The following DCHS2 variants were observed in gnomAD, a reference collection of about 807,000 sequenced individuals.
DCHS2 encodes protocadherin-23.
A neutral mutation model predicts 182.4 loss-of-function variants in DCHS2; 142 were observed. That is an observed-to-expected ratio of 0.78 (90% confidence interval 0.68 to 0.89). DCHS2 has a LOEUF of 0.89. Among genes scored for constraint, DCHS2 ranks in the 40% least tolerant of loss-of-function variants. DCHS2 has a pLI of 0.00. For synonymous variants in DCHS2, 1,740 were observed against 1,663.3 expected (o/e 1.05, Z -1.12); for missense variants, 4,319 against 4,198.6 (o/e 1.03, Z -0.79).
At chr4:154,436,334 T>C (rs1275114532) in intron 1 of DCHS2, among the ~76,000 whole-genome samples, 2 of 152,228 alleles carry the variant, frequency 1.3e-5, no homozygotes, top group Non-Finnish European at 2.9e-5. Flanking sequence ...TTATTATCTA[T>C]ACTATATGTT....
At chr4:154,296,712 A>G (rs542800511) in intron 13 of DCHS2, among the ~76,000 whole-genome samples, 1 of 152,294 alleles carries the variant, frequency 6.6e-6, no homozygotes, top group South Asian at 2.1e-4. Flanking sequence ...GAAAATGTTA[A>G]AAGCAGTTTG....
At chr4:154,349,758 T>C (rs1198480801) in intron 3 of DCHS2, among the ~76,000 whole-genome samples, 2 of 152,212 alleles carry the variant, frequency 1.3e-5, no homozygotes, top group African/African-American at 4.8e-5. Context: ...CTGATTCACA[T>C]GATATGTATT....
intron 1 of DCHS2, among the ~76,000 whole-genome samples, chr4:154,429,356 T>A (rs78499165): frequency 0.018 from 2,667 of 152,284 alleles, 66 homozygotes; most frequent in African/African-American, 0.061. Flanking sequence ...TCAGTGCATG[T>A]GTTTTGATGG....
chr4:154,491,140 G>A lies in DCHS2; in HGVS notation c.216C>T (p.Ser72=). The part of the protein sequence containing the change: ...SSAQLFNLTL[S]VDEGLPPDTL... Reference sequence around the variant, plus strand: ...TGTCCGGGGGAAGCCCCTCATCTACGGAAAGGGTGAGGTTGAACAACTGGG... The same window carrying A: ...TGTCCGGGGGAAGCCCCTCATCTACAGAAAGGGTGAGGTTGAACAACTGGG... Residue 72 remains serine, a synonymous_variant, in exon 1 of 20, where the codon TCC becomes TCT. Transcript: ENST00000357232. 9 of 1,551,406 alleles carry A rather than the reference G, an allele frequency of 5.8e-6. No individual in the cohort carries two copies. The highest frequency in any genetic ancestry group is 7.8e-6 in the Non-Finnish European group (9 of 1,146,838).
At position 154,236,917 on chromosome 4, in the gene DCHS2, T is replaced by A. The variant is rs769744880; in HGVS notation, c.7735A>T (p.Thr2579Ser). 2 of 1,614,088 alleles carry A rather than the reference T, an allele frequency of 1.2e-6. No individual in the cohort carries two copies. Among genetic ancestry groups the A allele is most frequent in the South Asian group, 1.1e-5 (1 of 91,078 alleles). Residue 2579 changes from threonine to serine, a missense_variant, in exon 20 of 20, where the codon ACC becomes TCC. By Grantham distance (58) the Thr-to-Ser change is moderately conservative. Transcript: ENST00000357232. ...TATTCAACATATGTGTTTTCACGGGTCCAGTCATGGTCGATGTTTGAAAAT... is the reference window on the plus strand; with the variant it reads ...TATTCAACATATGTGTTTTCACGGGACCAGTCATGGTCGATGTTTGAAAAT... The part of the protein sequence containing the change: ...VTFSNIDHDW[T>S]RENTYVEYSI...
Position 154,239,293 on chromosome 4 carries a change from G to A in DCHS2, c.7369C>T (p.Pro2457Ser), listed in dbSNP as rs1370868285. The A allele has an allele frequency of 1.2e-6, 2 of 1,612,066 alleles. No individual in the cohort carries two copies. The highest frequency in any genetic ancestry group is 2.7e-5 in the African/African-American group (2 of 74,796). ...GAATACCCCACAGGTATTGATTCAG[G>A]AACTGTGACCTGAGGGAAAAAGAGA... ...FSQDFYQVTV[P>S]ESIPVGYSVL... Residue 2457 changes from proline (P) to serine (S), a missense_variant, in exon 19 of 20, where the codon CCT becomes TCT. By Grantham distance (74) the Pro-to-Ser change is moderately conservative. Transcript: ENST00000357232.
chr4:154,477,428 C>A (rs1735733786), intron 1 of DCHS2, among the ~76,000 whole-genome samples: 1 of 152,112 alleles, frequency 6.6e-6, no homozygotes, highest in Non-Finnish European at 1.5e-5. Flanking sequence ...AGCACAAAGG[C>A]CTGAGCTGAG....
chr4:154,490,872 C>A lies in DCHS2; in HGVS notation c.484G>T (p.Asp162Tyr). ...TCGAGGGGAAAGCGGGGCGAGTGGTCATTCACGTCGTTGACGCGAATCTCC... is the reference window on the plus strand; with the variant it reads ...TCGAGGGGAAAGCGGGGCGAGTGGTAATTCACGTCGTTGACGCGAATCTCC... ...QVEIRVNDVN[D>Y]HSPRFPLDSL... The change falls in exon 1 of 20, where the codon GAC becomes TAC. Residue 162 changes from aspartate (D) to tyrosine (Y), a missense_variant. Asp to Tyr is a radical substitution (Grantham distance 160). Coordinates refer to ENST00000357232, the MANE Select transcript of DCHS2 (RefSeq NM_001358235.2). 6.4e-7 allele frequency: 1 copy of A among 1,551,544 alleles called. No individual in the cohort carries two copies. Among genetic ancestry groups the A allele is most frequent in the African/African-American group, 1.4e-5 (1 of 73,174 alleles).
chr4:154,459,497 G>T (rs753370201), intron 1 of DCHS2, among the ~76,000 whole-genome samples: 1 of 151,924 alleles, frequency 6.6e-6, no homozygotes, highest in Admixed American at 6.6e-5. Context: ...CCCGACCACC[G>T]TCCCCACAAA....
chr4:154,325,395 T>C (rs1736241210), intron 7 of DCHS2, among the ~76,000 whole-genome samples: 1 of 150,686 alleles, frequency 6.6e-6, no homozygotes, highest in African/African-American at 2.5e-5. Flanking sequence ...CCTTCACAGG[T>C]ACACTATGTT....
chr4:154,305,398 TA>T (rs1200705573), intron 10 of DCHS2, among the ~76,000 whole-genome samples, 167 bp from the exon 11 acceptor site: 1 of 152,220 alleles, frequency 6.6e-6, no homozygotes, highest in Non-Finnish European at 1.5e-5. Flanking sequence ...CTGTTCTTGC[TA>T]AAATAAAAGC....
chr4:154,477,034 A>G (rs1052235731), intron 1 of DCHS2, among the ~76,000 whole-genome samples: 1 of 152,184 alleles, frequency 6.6e-6, no homozygotes, highest in Non-Finnish European at 1.5e-5. Flanking sequence ...GGGAAGAACT[A>G]GAGTGTCTTA....
At chr4:154,411,512 G>A (rs760954717) in intron 1 of DCHS2, among the ~76,000 whole-genome samples, 34 of 151,938 alleles carry the variant, frequency 2.2e-4, no homozygotes, top group Non-Finnish European at 4.4e-4. Flanking sequence ...CAGAAGAATC[G>A]CTTGAACCTG....
At chr4:154,384,537 AC>A in intron 1 of DCHS2, 1 of 1,542,972 alleles carries the variant, frequency 6.5e-7, no homozygotes, top group South Asian at 1.2e-5. Flanking sequence ...AGAACCTATG[AC>A]TATTCTCTTA....
chr4:154,395,997 G>A (rs1247756291), intron 1 of DCHS2, among the ~76,000 whole-genome samples: 1 of 152,166 alleles, frequency 6.6e-6, no homozygotes, highest in East Asian at 1.9e-4. Context: ...CCATTTTGTA[G>A]GTTAGGAAAT....
Position 154,482,564 on chromosome 4 carries a change from C to T in DCHS2, c.2052+6740G>A, listed in dbSNP as rs529485414. Among the ~76,000 whole-genome samples, 7 of 152,092 alleles carry T rather than the reference C, an allele frequency of 4.6e-5. No individual in the cohort carries two copies. In the East Asian group the frequency reaches 5.8e-4, roughly 13 times the overall value. On this transcript the variant is annotated intron_variant, in intron 1 of 19. Transcript: ENST00000357232. ...ACAGGACATTGAGGAAAGAAGTGAG[C>T]GAAAAAGACCCTCACATACTTAGTT...
intron 1 of DCHS2, among the ~76,000 whole-genome samples, chr4:154,426,710 G>A (rs1488120124): frequency 3.3e-5 from 5 of 151,116 alleles, no homozygotes; most frequent in Non-Finnish European, 5.9e-5. Flanking sequence ...GAGGAGGGAG[G>A]ATTCCTTGAG....
chr4:154,301,608 C>T (rs1266229780), intron 12 of DCHS2, among the ~76,000 whole-genome samples: 5 of 152,130 alleles, frequency 3.3e-5, no homozygotes, highest in African/African-American at 1.2e-4. Context: ...CGGGTTCAAG[C>T]GATTCTCCTG....
Position 154,236,737 on chromosome 4 carries a change from C to A in DCHS2, c.7915G>T (p.Asp2639Tyr). 2 of 1,613,998 alleles carry A rather than the reference C, an allele frequency of 1.2e-6. No individual in the cohort carries two copies. The highest frequency in any genetic ancestry group is 1.7e-6 in the Non-Finnish European group (2 of 1,179,956). The change falls in exon 20 of 20, where the codon GAC (aspartate) becomes TAC (tyrosine). Residue 2639 changes from aspartate to tyrosine, a missense_variant. Asp to Tyr is a radical substitution (Grantham distance 160, BLOSUM62 -3). Transcript: ENST00000357232. ...ASHELVILAS[D>Y]SGCPPLSSTA... ...GAACTCAATGGAGGGCAGCCACTGT[C>A]AGATGCCAGAATGACAAGCTCATGG...
Sources: gnomAD v4.1 joint callset for allele counts (sites outside exome capture counted in the v4.1 genomes callset) on GRCh38, gnomAD v4.1.1 for gene constraint, MANE v1.5 for transcripts, NCBI Gene and HGNC (gene_info 2026-07-23, HGNC 2026-07-21) for gene names.